Variants in ANKRD30B observed in about 807,000 individuals in gnomAD.
ANKRD30B encodes the protein ankyrin repeat domain-containing protein 30B.
A neutral mutation model predicts 202.2 loss-of-function variants in ANKRD30B; 144 were observed. That is an observed-to-expected ratio of 0.71 (90% CI 0.62 to 0.82). The LOEUF (loss-of-function observed/expected upper bound fraction) is 0.82. ANKRD30B is among the 40% of genes least tolerant of loss of function. The probability of loss-of-function intolerance (pLI) is 0.00; values close to 1 mark genes in which losing one functional copy is unlikely to be tolerated. For missense variants in ANKRD30B, 1,487 were observed against 1,669.1 expected (o/e 0.89, Z 1.90); for synonymous variants, 508 against 561.3 (o/e 0.91, Z 1.34).
At chr18:14,800,363 T>C (rs9797347) in intron 22 of ANKRD30B, among the ~76,000 whole-genome samples, 146,131 of 149,842 alleles carry the variant, frequency 0.98, 71,426 homozygotes, top group Middle Eastern at 1. Context: ...CTCGTTGTCT[T>C]GCCCAGGCTG....
At chr18:14,824,433 C>A (rs1261997493) in intron 32 of ANKRD30B, among the ~76,000 whole-genome samples, 12 of 148,494 alleles carry the variant, frequency 8.1e-5, no homozygotes, top group Non-Finnish European at 1.8e-4. Flanking sequence ...ACCTCACTAC[C>A]CCCTCTGCCT....
chr18:14,769,387 G>C lies in ANKRD30B; in HGVS notation c.1256+14G>C, dbSNP rs1452275567. ...GCCTATATTCAGGTAAGACTTTGCG[G>C]TTTTTTAAAACGAATAGGTTAACTC... On this transcript the variant is annotated intron_variant, in intron 8 of 43. Coordinates refer to ENST00000690538, the MANE Select transcript of ANKRD30B (RefSeq NM_001367607.2). 1 of 1,543,428 alleles carries C rather than the reference G, an allele frequency of 6.5e-7. No individual in the cohort carries two copies. Among genetic ancestry groups the C allele is most frequent in the East Asian group, 2.5e-5 (1 of 40,770 alleles).
At chr18:14,831,180 G>A (rs1481932557) in intron 33 of ANKRD30B, among the ~76,000 whole-genome samples, 4 of 23,996 alleles carry the variant, frequency 1.7e-4, no homozygotes, top group African/African-American at 7.7e-4. Flanking sequence ...ACTCCGTCTC[G>A]GAAAAAAAAA....
chr18:14,818,290 G>T (rs866486501), intron 30 of ANKRD30B, among the ~76,000 whole-genome samples: 93 of 152,000 alleles, frequency 6.1e-4, no homozygotes, highest in African/African-American at 2.2e-3. Flanking sequence ...ATTGAAATAT[G>T]CAGGTTAATG....
chr18:14,819,897 A>C (rs1325333125), intron 30 of ANKRD30B, among the ~76,000 whole-genome samples: 3 of 152,120 alleles, frequency 2.0e-5, no homozygotes, highest in Non-Finnish European at 4.4e-5. Flanking sequence ...CAATTCTGTG[A>C]AGAAAGTCAT....
downstream of ANKRD30B, among the ~76,000 whole-genome samples, chr18:14,856,465 G>A (rs562022993): frequency 5.1e-4 from 73 of 144,178 alleles, 1 homozygote; most frequent in African/African-American, 1.5e-3. Context: ...CCGGGCGGCC[G>A]GCCAGAGGAA....
chr18:14,809,580 C>G (rs1296520489), intron 26 of ANKRD30B, among the ~76,000 whole-genome samples: 11 of 150,758 alleles, frequency 7.3e-5, no homozygotes, highest in African/African-American at 2.7e-4. Context: ...GGTAGCATTC[C>G]ATTCCCAGAG....
chr18:14,820,944 G>A (rs1270673952), intron 30 of ANKRD30B, among the ~76,000 whole-genome samples: 1 of 152,160 alleles, frequency 6.6e-6, no homozygotes, highest in African/African-American at 2.4e-5. Flanking sequence ...AATGGTACCA[G>A]TTCCTCCTTG....
chr18:14,794,973 T>A (rs1443700827), intron 16 of ANKRD30B, among the ~76,000 whole-genome samples: 2 of 152,238 alleles, frequency 1.3e-5, no homozygotes, highest in African/African-American at 4.8e-5. Context: ...TGTTTTTTCT[T>A]GAAGCTAAGC....
the ANKRD30B span, among the ~76,000 whole-genome samples, chr18:14,930,652 G>A: frequency 1.3e-5 from 2 of 152,086 alleles, no homozygotes; most frequent in African/African-American, 4.8e-5. Context: ...CCCAGGAAGT[G>A]CTGAGGCCCT....
chr18:14,843,276 T>G (rs1165100699), intron 39 of ANKRD30B, among the ~76,000 whole-genome samples, 180 bp downstream of exon 39: 1 of 152,206 alleles, frequency 6.6e-6, no homozygotes, highest in Non-Finnish European at 1.5e-5. Flanking sequence ...TAATTAGTTT[T>G]TTTAAAAAGT....
intron 11 of ANKRD30B, 56 bp downstream of exon 11, chr18:14,780,077 G>A (rs1166594198): frequency 2.9e-6 from 4 of 1,391,480 alleles, no homozygotes; most frequent in East Asian, 4.8e-5. Flanking sequence ...TGAGTGATGT[G>A]AAAATGCAAA....
At chr18:14,835,349 A>T (rs1295746870) in intron 34 of ANKRD30B, among the ~76,000 whole-genome samples, 1 of 151,534 alleles carries the variant, frequency 6.6e-6, no homozygotes, top group Non-Finnish European at 1.5e-5. Context: ...ATTATCATAG[A>T]ATCATACGTA....
the ANKRD30B span, chr18:14,883,451 A>G: frequency 2.8e-5 from 4 of 144,718 alleles, no homozygotes; most frequent in Non-Finnish European, 6.0e-5. Flanking sequence ...TGTTCTGTAT[A>G]TATCTATATA....
In ANKRD30B at chr18:14,799,306, C is replaced by A. The variant is rs1246788919; in HGVS notation, c.2131+11C>A. 3 of 1,516,264 alleles carry A rather than the reference C, an allele frequency of 2.0e-6. No homozygotes were observed. Among genetic ancestry groups the A allele is most frequent in the Non-Finnish European group, 2.6e-6 (3 of 1,135,546 alleles). The allele number at this position is 1,516,264 out of a possible 1,614,324, so 93.9% of individuals were successfully genotyped here. Reference sequence around the variant, plus strand: ...AAACATTCAAAGCAGGTAAATTTTGCAATTTTAATTTTACTCTGGAATTAA... The same window carrying A: ...AAACATTCAAAGCAGGTAAATTTTGAAATTTTAATTTTACTCTGGAATTAA... On this transcript the variant is annotated intron_variant, in intron 22 of 43. Coordinates refer to ENST00000690538, the MANE Select transcript of ANKRD30B (RefSeq NM_001367607.2).
chr18:14,832,350 A>G (rs575014757), intron 34 of ANKRD30B, among the ~76,000 whole-genome samples: 16 of 152,338 alleles, frequency 1.1e-4, no homozygotes, highest in African/African-American at 2.9e-4. Context: ...CACCCCAAGT[A>G]AAAAACCAGT....
intron 30 of ANKRD30B, 101 bp from the exon 31 acceptor site, chr18:14,822,382 T>A: frequency 3.4e-6 from 3 of 884,622 alleles, no homozygotes; most frequent in Non-Finnish European, 5.4e-6. Context: ...CTCTTTTCAA[T>A]CCAAGCATGA....
the ANKRD30B span, among the ~76,000 whole-genome samples, chr18:14,933,138 A>G: frequency 4.6e-5 from 7 of 152,160 alleles, no homozygotes; most frequent in Admixed American, 4.6e-4. Flanking sequence ...AAGCGTGACA[A>G]TCCTAAATGT....
At chr18:14,805,875 T>G (rs987094691) in intron 24 of ANKRD30B, among the ~76,000 whole-genome samples, 2 of 149,770 alleles carry the variant, frequency 1.3e-5, no homozygotes, top group African/African-American at 5.0e-5. Flanking sequence ...TTCTTGTCAT[T>G]CTACAGCAAC....
Sources: gnomAD v4.1 joint callset for allele counts (sites outside exome capture counted in the v4.1 genomes callset) on GRCh38, gnomAD v4.1.1 for gene constraint, MANE v1.5 for transcripts, NCBI Gene and HGNC (gene_info 2026-07-23, HGNC 2026-07-21) for gene names.